The following THAP6 variants were observed in gnomAD, a reference collection of about 807,000 sequenced individuals.
THAP6 encodes THAP domain containing 6.
In THAP6, 13 loss-of-function variants were observed where a neutral mutation model predicts 20.0. The ratio of observed to expected loss-of-function variants is 0.65; its 90% confidence interval spans 0.42 to 1.03. The LOEUF (loss-of-function observed/expected upper bound fraction) is 1.03. Ranked by LOEUF, THAP6 falls within the 50% of genes least tolerant of loss-of-function variation. The pLI is 0.00. For synonymous variants in THAP6, 93 were observed against 92.2 expected (o/e 1.01, Z -0.05); for missense variants, 262 against 261.6 (o/e 1.00, Z -0.01).
chr4:75,519,418 G>A (rs571263614), intron 3 of THAP6, among the ~76,000 whole-genome samples: 14 of 151,166 alleles, frequency 9.3e-5, no homozygotes, highest in African/African-American at 2.9e-4. Context: ...ATGCTGGTGC[G>A]CTGCACCCAG....
chr4:75,529,755 A>G lies in THAP6; in HGVS notation c.*2541A>G, dbSNP rs1726606890. 1.4e-5 allele frequency: 14 copies of G among 985,298 alleles called. No homozygotes were observed. The highest frequency in any genetic ancestry group is 4.7e-5 in the South Asian group (1 of 21,292). The allele number at this position is 985,298 out of a possible 1,614,324, so 61.0% of individuals were successfully genotyped here. On this transcript the variant is annotated 3_prime_UTR_variant, in exon 5 of 5. Transcript: ENST00000311638. ...CTAGGAGTGGCCTCTAGAGCCAGGAACACATTAATACAACAGTTCAACCTC... is the reference window on the plus strand; with the variant it reads ...CTAGGAGTGGCCTCTAGAGCCAGGAGCACATTAATACAACAGTTCAACCTC...
intron 4 of THAP6, chr4:75,522,379 A>G (rs1480828197): frequency 1.3e-5 from 2 of 152,534 alleles, no homozygotes; most frequent in Non-Finnish European, 2.9e-5. Context: ...TATACAATGC[A>G]TGATAATCAC....
At chr4:75,539,783 C>T (rs1027645961) in intron 2 of THAP6, 15 of 1,519,228 alleles carry the variant, frequency 9.9e-6, no homozygotes, top group East Asian at 2.5e-5. Flanking sequence ...TATTTCATTG[C>T]GTATAAAACG....
In THAP6 at chr4:75,529,087, ATTTAT is replaced by A; in HGVS notation, c.*1878_*1882del. Reference sequence around the variant, plus strand: ...AAACTACTTTCATTAATTACCCATTATTTATTTTAGTTACTTAATTTTGAGTTCAT... The same window carrying A: ...AAACTACTTTCATTAATTACCCATTATTTAGTTACTTAATTTTGAGTTCAT... On this transcript the variant is annotated 3_prime_UTR_variant, in exon 5 of 5. Coordinates refer to ENST00000311638, the MANE Select transcript of THAP6 (RefSeq NM_144721.6). 1.0e-6 allele frequency: 1 copy of A among 962,094 alleles called. No individual in the cohort carries two copies. The highest frequency in any genetic ancestry group is 1.2e-6 in the Non-Finnish European group (1 of 808,712). 59.6% of individuals were successfully genotyped at this position (962,094 alleles called of 1,614,324 possible).
intron 2 of THAP6, chr4:75,539,974 C>CA: frequency 1.3e-6 from 2 of 1,533,526 alleles, no homozygotes; most frequent in South Asian, 2.4e-5. Flanking sequence ...GCTATTTGTG[C>CA]CTTAAATAAT....
chr4:75,525,734 A>G (rs1327097086), intron 4 of THAP6, among the ~76,000 whole-genome samples: 1 of 152,188 alleles, frequency 6.6e-6, no homozygotes, highest in Non-Finnish European at 1.5e-5. Context: ...GTTCTGGAGT[A>G]CAGTTAGTTA....
Position 75,527,414 on chromosome 4 carries a change from C to T in THAP6, c.*200C>T. The T allele has an allele frequency of 7.3e-7, 1 of 1,377,008 alleles. No individual in the cohort carries two copies. Among genetic ancestry groups the T allele is most frequent in the Non-Finnish European group, 9.4e-7 (1 of 1,066,810 alleles). 85.3% of individuals were successfully genotyped at this position (1,377,008 alleles called of 1,614,324 possible). A position where few individuals can be genotyped will look rare whatever the true frequency, so the allele number is the denominator to read the frequency against. On this transcript the variant is annotated 3_prime_UTR_variant, in exon 5 of 5. Transcript: ENST00000311638. ...GTAATTATGTATTTGTGTCTTGTGA[C>T]AATTATGTTTTATAGACCTACACTA...
Position 75,520,059 on chromosome 4 carries a change from T to C in THAP6, c.289-1677T>C, listed in dbSNP as rs532147475. 4.8e-3 allele frequency among the ~76,000 whole-genome samples: 726 copies of C among 152,202 alleles called. 8 individuals are homozygous for C. The highest frequency in any genetic ancestry group is 0.016 in the African/African-American group (683 of 41,526). On this transcript the variant is annotated intron_variant, in intron 3 of 4. Coordinates refer to ENST00000311638, the MANE Select transcript of THAP6 (RefSeq NM_144721.6). ...GATGGTATCTCATTGTGGTTTTGAT[T>C]TGCATTTCTCTGATGGCCAGTGATG... is the stretch of plus-strand genomic sequence containing the variant.
intron 2 of THAP6, among the ~76,000 whole-genome samples, chr4:75,516,267 C>T (rs144535183): frequency 3.9e-4 from 59 of 152,264 alleles, no homozygotes; most frequent in African/African-American, 1.4e-3. Context: ...CTCTGATCTC[C>T]AGAACTCCAC....
At chr4:75,539,563 T>C (rs1042697145) in intron 2 of THAP6, among the ~76,000 whole-genome samples, 4 of 152,260 alleles carry the variant, frequency 2.6e-5, no homozygotes, top group African/African-American at 4.8e-5. Context: ...GTGGGCACTT[T>C]GAAAGTGCTG....
chr4:75,542,383 G>A (rs760985368), intron 2 of THAP6: 87 of 700,004 alleles, frequency 1.2e-4, no homozygotes, highest in Middle Eastern at 9.2e-4. Context: ...ATAAATCCTC[G>A]TATTTCTGCC....
chr4:75,533,836 T>C (rs370019137), downstream of THAP6, among the ~76,000 whole-genome samples: 1 of 152,136 alleles, frequency 6.6e-6, no homozygotes, highest in Non-Finnish European at 1.5e-5. Context: ...TATGTATACA[T>C]GTGCCATGTT....
chr4:75,529,209 A>G lies in THAP6; in HGVS notation c.*1995A>G, dbSNP rs1726568542. ...TTATTTTTCCCTCACCCTATTTGTG[A>G]ATATATAAATTAAAGTAAGACAATG... is the stretch of plus-strand genomic sequence containing the variant. On this transcript the variant is annotated 3_prime_UTR_variant, in exon 5 of 5. Coordinates refer to ENST00000311638, the MANE Select transcript of THAP6 (RefSeq NM_144721.6). 3 of 984,572 alleles carry G rather than the reference A, an allele frequency of 3.0e-6. No individual in the cohort carries two copies. The highest frequency in any genetic ancestry group is 2.4e-6 in the Non-Finnish European group (2 of 829,296). 61.0% of individuals were successfully genotyped at this position (984,572 alleles called of 1,614,324 possible).
chr4:75,537,961 T>A (rs1726908560), intron 2 of THAP6, among the ~76,000 whole-genome samples: 1 of 152,210 alleles, frequency 6.6e-6, no homozygotes, highest in Non-Finnish European at 1.5e-5. Context: ...GTAAGATAAT[T>A]TGTGTTGTGT....
downstream of THAP6, among the ~76,000 whole-genome samples, chr4:75,533,972 C>T (rs1726777446): frequency 6.6e-6 from 1 of 151,392 alleles, no homozygotes; most frequent in Non-Finnish European, 1.5e-5. Flanking sequence ...CAGGTGTTCT[C>T]ATTGTTCAAT....
intron 3 of THAP6, among the ~76,000 whole-genome samples, chr4:75,545,695 C>T (rs749218658): frequency 2.0e-5 from 3 of 152,182 alleles, no homozygotes; most frequent in South Asian, 2.1e-4. Flanking sequence ...GCAGCTTCCC[C>T]GGATTACTCA....
downstream of THAP6, chr4:75,530,139 G>A (rs1726632325): frequency 2.2e-6 from 2 of 929,142 alleles, no homozygotes; most frequent in Non-Finnish European, 2.6e-6. Flanking sequence ...ACTCTAATAT[G>A]GGGTCTGCAA....
At chr4:75,545,028 G>A (rs939629241) in intron 3 of THAP6, among the ~76,000 whole-genome samples, 6 of 152,238 alleles carry the variant, frequency 3.9e-5, no homozygotes, top group African/African-American at 4.8e-5. Context: ...TCTGTGCCTC[G>A]GTTTTCTCAT....
rs1725679897 is a variant in THAP6 at position 75,516,820 on chromosome 4, A to G, written c.129A>G (p.Lys43=). ...NIKRKWVLAM[K]RLDVNAAGIW... ...AAAGGAAATGGGTATTAGCAATGAA[A>G]AGACTTGATGTGAATGCAGCCGGCA... Residue 43 remains lysine, a synonymous_variant, in exon 3 of 5, where the codon AAA becomes AAG. Transcript: ENST00000311638. 1.9e-6 allele frequency: 3 copies of G among 1,614,004 alleles called. No individual in the cohort carries two copies. The highest frequency in any genetic ancestry group is 1.3e-5 in the African/African-American group (1 of 74,892).
Sources: allele counts gnomAD v4.1 joint callset (sites outside exome capture counted in the v4.1 genomes callset), GRCh38; gene constraint gnomAD v4.1.1; transcripts MANE v1.5; gene names NCBI Gene and HGNC (gene_info 2026-07-23, HGNC 2026-07-21).